Variants in ABCG5 observed in about 807,000 individuals in gnomAD.
ABCG5 encodes ATP binding cassette subfamily G member 5, also known as ATP-binding cassette sub-family G member 5.
A neutral mutation model predicts 64.5 loss-of-function variants in ABCG5; 64 were observed. That is an observed-to-expected ratio of 0.99 (90% CI 0.81 to 1.22). ABCG5 has a LOEUF of 1.22. ABCG5 is among the 50% of genes most tolerant of loss of function. The pLI is 0.00. For missense variants in ABCG5, 908 were observed against 829.5 expected (o/e 1.09, Z -1.16); for synonymous variants, 385 against 326.3 (o/e 1.18, Z -1.94).
chr2:43,835,674 G>A (rs1668217410), intron 2 of ABCG5, among the ~76,000 whole-genome samples: 1 of 152,120 alleles, frequency 6.6e-6, no homozygotes. Flanking sequence ...GGTGATATTG[G>A]GAGATGATTA....
intron 10 of ABCG5, chr2:43,822,480 C>CT (rs1293041216): frequency 6.8e-6 from 5 of 737,050 alleles, no homozygotes; most frequent in Non-Finnish European, 7.8e-6. Flanking sequence ...TCCCCCAGGC[C>CT]CCCCCCCATG....
chr2:43,838,264 C>A lies in ABCG5; in HGVS notation c.143+273G>T. The A allele has an allele frequency of 1.7e-6, 1 of 595,972 alleles. No individual in the cohort carries two copies. The highest frequency in any genetic ancestry group is 3.0e-6 in the Non-Finnish European group (1 of 336,488). 36.9% of individuals were successfully genotyped at this position (595,972 alleles called of 1,614,324 possible). A position where few individuals can be genotyped will look rare whatever the true frequency, so the allele number is the denominator to read the frequency against. On this transcript the variant is annotated intron_variant, in intron 1 of 12. Transcript: ENST00000405322. This position sits in a 1 kb window ranked among gnomAD's most constrained non-coding sequence, Gnocchi z 4.2. ...GCATTCGCAGTACCCCCATTCCCATCCACAGAGGGCAGGCCGTAGACACTG... is the reference window on the plus strand; with the variant it reads ...GCATTCGCAGTACCCCCATTCCCATACACAGAGGGCAGGCCGTAGACACTG...
downstream of ABCG5, among the ~76,000 whole-genome samples, chr2:43,810,990 G>A (rs1257832726): frequency 2.0e-5 from 3 of 152,172 alleles, no homozygotes; most frequent in African/African-American, 7.2e-5. Context: ...GTTTTTCTAA[G>A]GTGCTATCAC....
intron 11 of ABCG5, among the ~76,000 whole-genome samples, chr2:43,817,592 T>C (rs1219826262): frequency 6.6e-6 from 1 of 152,004 alleles, no homozygotes; most frequent in Non-Finnish European, 1.5e-5. Flanking sequence ...AAACCCATCA[T>C]AAGTTGAAAA....
At chr2:43,823,420 A>G (rs1031321114) in intron 9 of ABCG5, among the ~76,000 whole-genome samples, 2 of 151,998 alleles carry the variant, frequency 1.3e-5, no homozygotes, top group Non-Finnish European at 2.9e-5. Flanking sequence ...CTTCCCTCTT[A>G]TTCCCTAACA....
intron 10 of ABCG5, chr2:43,822,474 CCA>C: frequency 1.4e-6 from 1 of 708,450 alleles, no homozygotes; most frequent in Non-Finnish European, 1.7e-6. Flanking sequence ...CTCCCCTCCC[CCA>C]GGCCCCCCCC....
chr2:43,838,377 C>G lies in ABCG5; in HGVS notation c.143+160G>C. 1.4e-6 allele frequency: 1 copy of G among 714,326 alleles called. No individual in the cohort carries two copies. Among genetic ancestry groups the G allele is most frequent in the Non-Finnish European group, 2.3e-6 (1 of 437,178 alleles). 44.2% of individuals were successfully genotyped at this position (714,326 alleles called of 1,614,324 possible). On this transcript the variant is annotated intron_variant, in intron 1 of 12. Coordinates refer to ENST00000405322, the MANE Select transcript of ABCG5 (RefSeq NM_022436.3). This position sits in a 1 kb window ranked among gnomAD's most constrained non-coding sequence, Gnocchi z 4.2. The stretch of plus-strand genomic sequence containing the variant: ...GCCATTCACTGTCGCTCCATGTTTC[C>G]CAGCACAGCCCTTCTCCCTCTCCTC...
chr2:43,837,562 GTGTT>G (rs529922983), intron 2 of ABCG5, among the ~76,000 whole-genome samples: 65 of 152,264 alleles, frequency 4.3e-4, no homozygotes, highest in South Asian at 6.2e-4. Context: ...AGGGGAAATT[GTGTT>G]TCCTGAGTAC....
At chr2:43,837,081 C>T (rs1049408645) in intron 2 of ABCG5, among the ~76,000 whole-genome samples, 4 of 150,276 alleles carry the variant, frequency 2.7e-5, no homozygotes, top group African/African-American at 4.9e-5. Flanking sequence ...TGATAAGGCC[C>T]GATGTTAATA....
chr2:43,810,039 G>A (rs1046171262), downstream of ABCG5: 1 of 837,414 alleles, frequency 1.2e-6, no homozygotes, highest in Middle Eastern at 5.0e-4. Flanking sequence ...ACTCAATTCA[G>A]CATGTATAAG....
In ABCG5 at chr2:43,831,764, C is replaced by T. The variant is rs563324954; in HGVS notation, c.501+5G>A. ...TGCCCTCTGTGAGCGGGGGGCTGCA[C>T]CCACCTTCTTCTGGAAGGAGCCGGG... is the stretch of plus-strand genomic sequence containing the variant. On this transcript the variant is annotated splice_donor_5th_base_variant and intron_variant, in intron 4 of 12. Coordinates refer to ENST00000405322, the MANE Select transcript of ABCG5 (RefSeq NM_022436.3). 3.8e-6 allele frequency: 6 copies of T among 1,573,742 alleles called. No individual in the cohort carries two copies. The South Asian group carries it at 5.8e-5, about 15-fold the overall frequency.
Position 43,813,326 on chromosome 2 carries a change from T to A in ABCG5, c.1763-17A>T, listed in dbSNP as rs1019086099. 1.3e-6 allele frequency: 2 copies of A among 1,570,810 alleles called. No individual in the cohort carries two copies. Among genetic ancestry groups the A allele is most frequent in the Non-Finnish European group, 1.8e-6 (2 of 1,142,042 alleles). On this transcript the variant is annotated splice_polypyrimidine_tract_variant and intron_variant, in intron 12 of 12. Transcript: ENST00000405322. ...TTGAGCTGCCTGTCAAGGAAAAGAT[T>A]GACAGTGTCAGGTGTGGTTTATCTC... is the stretch of plus-strand genomic sequence containing the variant.
rs397781046 is a variant in ABCG5 at position 43,822,477 on chromosome 2, G to GCT, written c.1463+319_1463+320insAG. The GCT allele has an allele frequency of 8.6e-6, 3 of 349,192 alleles. 1 individual carries two copies. The highest frequency in any genetic ancestry group is 1.1e-5 in the Non-Finnish European group (3 of 272,602). 21.6% of individuals were successfully genotyped at this position (349,192 alleles called of 1,614,324 possible). A position where few individuals can be genotyped will look rare whatever the true frequency, so the allele number is the denominator to read the frequency against. On this transcript the variant is annotated intron_variant, in intron 10 of 12. Transcript: ENST00000405322. ...TCAGGCTGCTTTCTCCCCTCCCCCA[G>GCT]GCCCCCCCCCATGCACCTGGGTCCT...
chr2:43,819,748 G>A (rs747002744), intron 11 of ABCG5, among the ~76,000 whole-genome samples, 167 bp downstream of exon 11: 3 of 152,150 alleles, frequency 2.0e-5, no homozygotes, highest in Non-Finnish European at 4.4e-5. Flanking sequence ...CAAATGAACA[G>A]TTCAAGGTCT....
At chr2:43,828,793 C>G (rs1433089846) in intron 4 of ABCG5, among the ~76,000 whole-genome samples, 1 of 152,050 alleles carries the variant, frequency 6.6e-6, no homozygotes, top group Non-Finnish European at 1.5e-5. Flanking sequence ...CGGTGAAACC[C>G]TGTCTGTTCT....
chr2:43,820,442 T>A (rs1667114958), intron 10 of ABCG5, among the ~76,000 whole-genome samples: 1 of 152,174 alleles, frequency 6.6e-6, no homozygotes, highest in East Asian at 1.9e-4. Flanking sequence ...AATAACCATG[T>A]TCTGCCTAGC....
chr2:43,806,897 T>C, the ABCG5 span, among the ~76,000 whole-genome samples: 75 of 151,414 alleles, frequency 5.0e-4, no homozygotes, highest in African/African-American at 1.7e-3. Flanking sequence ...TGGTTCGAGA[T>C]TTTTTTTTAA....
In ABCG5 at chr2:43,838,797, T is replaced by G. The variant is rs55853083; in HGVS notation, c.-118A>C. The G allele has an allele frequency of 0.019, 28,534 of 1,540,946 alleles. 747 individuals are homozygous for G. Among genetic ancestry groups the G allele is most frequent in the South Asian group, 0.11 (8,829 of 83,076 alleles). The stretch of plus-strand genomic sequence containing the variant: ...CTGCTCCACCTGACCCCGGAGTCCC[T>G]TGGGACAGCAGGACTGGGACTTGGC... On this transcript the variant is annotated 5_prime_UTR_variant, in exon 1 of 13. Coordinates refer to ENST00000405322, the MANE Select transcript of ABCG5 (RefSeq NM_022436.3). This position sits in a 1 kb window ranked among gnomAD's most constrained non-coding sequence, Gnocchi z 4.2.
chr2:43,822,905 T>G lies in ABCG5; in HGVS notation c.1355A>C (p.Glu452Ala). ...CTTCTGGTAGAGGCCGTCCTGACTC[T>G]CCTGGTCGCTGACAGCTCGCAGCAC... The part of the protein sequence containing the change: ...FPVLRAVSDQ[E>A]SQDGLYQKWQ... Residue 452 changes from glutamate to alanine, a missense_variant, in exon 10 of 13, where the codon GAG (glutamate) becomes GCG (alanine). Coordinates refer to ENST00000405322, the MANE Select transcript of ABCG5 (RefSeq NM_022436.3). 11 of 1,614,064 alleles carry G rather than the reference T, an allele frequency of 6.8e-6. No homozygotes were observed. Among genetic ancestry groups the G allele is most frequent in the Non-Finnish European group, 9.3e-6 (11 of 1,179,996 alleles).
Sources: gnomAD v4.1 joint callset for allele counts (sites outside exome capture counted in the v4.1 genomes callset) on GRCh38, gnomAD v4.1.1 for gene constraint, Gnocchi (gnomAD v3.1) non-coding constraint, MANE v1.5 for transcripts, NCBI Gene and HGNC (gene_info 2026-07-23, HGNC 2026-07-21) for gene names.